The following SHISAL1 variants were observed in gnomAD, a reference collection of about 807,000 sequenced individuals.
SHISAL1 encodes protein shisa-like-1.
Under a neutral mutation model 22.6 loss-of-function variants are expected in SHISAL1, and 9 were observed. The observed-to-expected ratio is 0.40, with a 90% CI of 0.24 to 0.70. The LOEUF (loss-of-function observed/expected upper bound fraction) is 0.70. SHISAL1 is among the 30% of genes least tolerant of loss of function. SHISAL1 has a pLI of 0.39. For synonymous variants in SHISAL1, 119 were observed against 115.4 expected (o/e 1.03, Z -0.20); for missense variants, 246 against 270.6 (o/e 0.91, Z 0.64).
At chr22:44,318,297 AT>A in the SHISAL1 span, among the ~76,000 whole-genome samples, 1 of 152,270 alleles carries the variant, frequency 6.6e-6, no homozygotes, top group Non-Finnish European at 1.5e-5. Flanking sequence ...TGGAAGTCTA[AT>A]TAGTGTGCTG....
chr22:44,251,990 C>T (rs1026000903), intron 4 of SHISAL1, among the ~76,000 whole-genome samples: 5 of 152,126 alleles, frequency 3.3e-5, no homozygotes, highest in Non-Finnish European at 5.9e-5. Context: ...ATAACAAATG[C>T]AATGAAGAGA....
intron 4 of SHISAL1, among the ~76,000 whole-genome samples, chr22:44,267,131 G>GGGCACGCAGCCC (rs1569211641): frequency 6.6e-6 from 1 of 152,072 alleles, no homozygotes; most frequent in Non-Finnish European, 1.5e-5. Flanking sequence ...GCAGAGGGCA[G>GGGCACGCAGCCC]GGCACGCAGC....
chr22:44,320,690 CTCCAGCCGATG>C, the SHISAL1 span, among the ~76,000 whole-genome samples: 1 of 152,252 alleles, frequency 6.6e-6, no homozygotes, highest in Non-Finnish European at 1.5e-5. Context: ...TTTGGCCCAG[CTCCAGCCGATG>C]TCCAGGCTGT....
chr22:44,330,004 A>G, the SHISAL1 span, among the ~76,000 whole-genome samples: 1 of 152,218 alleles, frequency 6.6e-6, no homozygotes, highest in Non-Finnish European at 1.5e-5. Flanking sequence ...CTGGGTCTGA[A>G]CAGAGCTGAA....
intron 4 of SHISAL1, among the ~76,000 whole-genome samples, chr22:44,252,282 ATAACT>A (rs988608172): frequency 3.6e-5 from 4 of 109,910 alleles, no homozygotes; most frequent in Non-Finnish European, 5.4e-5. Flanking sequence ...GTCAACTAAA[ATAACT>A]TGATAGCAGG....
chr22:44,291,933 G>A lies in SHISAL1; in HGVS notation c.281+4739C>T, dbSNP rs12158091. Among the ~76,000 whole-genome samples, 1,359 of 152,164 alleles carry A rather than the reference G, an allele frequency of 8.9e-3. 15 individuals carry two copies. Among genetic ancestry groups the A allele is most frequent in the African/African-American group, 0.031 (1,291 of 41,496 alleles). ...AGGAGGGCAGTACACTTCTCACCACGTCAGGGCCCCTGCCCCACCCCTCTC... is the reference window on the plus strand; with the variant it reads ...AGGAGGGCAGTACACTTCTCACCACATCAGGGCCCCTGCCCCACCCCTCTC... On this transcript the variant is annotated intron_variant, in intron 3 of 4. Coordinates refer to ENST00000381176, the MANE Select transcript of SHISAL1 (RefSeq NM_001099294.2).
rs572365046 is a variant in SHISAL1 at position 44,270,721 on chromosome 22, C to T, written c.599+14707G>A. Among the ~76,000 whole-genome samples, 8 of 152,260 alleles carry T rather than the reference C, an allele frequency of 5.3e-5. No homozygotes were observed. In the South Asian group the frequency reaches 6.2e-4, roughly 12 times the overall value. The stretch of plus-strand genomic sequence containing the variant: ...CGGACACAGACGGAAAACCCAAGGA[C>T]GCTGGGGGCCCTGGTGCACCCCTGC... On this transcript the variant is annotated intron_variant, in intron 4 of 4. Coordinates refer to ENST00000381176, the MANE Select transcript of SHISAL1 (RefSeq NM_001099294.2).
chr22:44,268,206 G>T (rs1167286863), intron 4 of SHISAL1, among the ~76,000 whole-genome samples: 1 of 152,162 alleles, frequency 6.6e-6, no homozygotes, highest in African/African-American at 2.4e-5. Context: ...TTAATGGGAG[G>T]AGGCATTAGA....
upstream of SHISAL1, among the ~76,000 whole-genome samples, chr22:44,317,285 G>A (rs968388244): frequency 6.6e-6 from 1 of 152,212 alleles, no homozygotes; most frequent in African/African-American, 2.4e-5. Flanking sequence ...CTGCACCGAC[G>A]AGCAGGGCCC....
intron 2 of SHISAL1, among the ~76,000 whole-genome samples, chr22:44,297,754 T>A (rs1359472139): frequency 4.6e-5 from 7 of 152,224 alleles, no homozygotes; most frequent in Admixed American, 2.6e-4. Flanking sequence ...TAAAGCCCGC[T>A]CTCTCAGGCT....
chr22:44,331,180 G>A, the SHISAL1 span, among the ~76,000 whole-genome samples: 3 of 152,056 alleles, frequency 2.0e-5, no homozygotes, highest in Admixed American at 6.5e-5. The surrounding 1 kb of genome is among the most constrained non-coding windows in gnomAD (Gnocchi z 5.2). Flanking sequence ...CTTGGTGAGC[G>A]CCGGCGCGGA....
the SHISAL1 span, among the ~76,000 whole-genome samples, chr22:44,328,233 T>A: frequency 6.6e-6 from 1 of 152,192 alleles, no homozygotes; most frequent in Non-Finnish European, 1.5e-5. Context: ...GAACTCTATA[T>A]TGCCACCCCT....
At chr22:44,302,217 G>A (rs1363990756) in intron 1 of SHISAL1, among the ~76,000 whole-genome samples, 1 of 152,008 alleles carries the variant, frequency 6.6e-6, no homozygotes, top group Non-Finnish European at 1.5e-5. Context: ...GTGCATGTCT[G>A]TAGTCCCAGC....
chr22:44,303,129 T>G (rs2055444332), intron 1 of SHISAL1, among the ~76,000 whole-genome samples: 1 of 152,020 alleles, frequency 6.6e-6, no homozygotes, highest in African/African-American at 2.4e-5. Context: ...CCTGCGTGTA[T>G]CTGGTGGGAG....
At chr22:44,263,094 T>C (rs1037045501) in intron 4 of SHISAL1, among the ~76,000 whole-genome samples, 1 of 146,576 alleles carries the variant, frequency 6.8e-6, no homozygotes, top group African/African-American at 2.5e-5. Context: ...TTTTTTTTTT[T>C]TTTTTGGAGA....
At chr22:44,329,946 A>G in the SHISAL1 span, among the ~76,000 whole-genome samples, 4 of 152,350 alleles carry the variant, frequency 2.6e-5, no homozygotes, top group Middle Eastern at 0.01. Flanking sequence ...GACAATCAGA[A>G]CCAGGCGAGG....
At chr22:44,295,189 A>G (rs2055377260) in intron 3 of SHISAL1, among the ~76,000 whole-genome samples, 1 of 152,210 alleles carries the variant, frequency 6.6e-6, no homozygotes, top group Non-Finnish European at 1.5e-5. Flanking sequence ...GTATAGCCAG[A>G]GCAAGTGAAG....
At chr22:44,268,503 T>C (rs1273502963) in intron 4 of SHISAL1, among the ~76,000 whole-genome samples, 2 of 152,124 alleles carry the variant, frequency 1.3e-5, no homozygotes, top group Non-Finnish European at 2.9e-5. Flanking sequence ...ACGGCCTGCC[T>C]GAGGTTAAAC....
chr22:44,256,888 AG>A (rs1178497373), intron 4 of SHISAL1, among the ~76,000 whole-genome samples: 1 of 152,246 alleles, frequency 6.6e-6, no homozygotes, highest in Non-Finnish European at 1.5e-5. Flanking sequence ...GGATCTGGGA[AG>A]GTAGAATCTA....
Sources: allele counts gnomAD v4.1 joint callset (sites outside exome capture counted in the v4.1 genomes callset), GRCh38; gene constraint gnomAD v4.1.1; non-coding constraint Gnocchi (gnomAD v3.1); transcripts MANE v1.5; gene names NCBI Gene and HGNC (gene_info 2026-07-23, HGNC 2026-07-21).